Variants in AKAP6 observed in about 807,000 individuals in gnomAD.
AKAP6 encodes the protein A-kinase anchor protein 6.
A neutral mutation model predicts 188.5 loss-of-function variants in AKAP6; 58 were observed. That is an observed-to-expected ratio of 0.31 (90% CI 0.25 to 0.38). AKAP6 has a LOEUF of 0.38. Among genes scored for constraint, AKAP6 ranks in the 10% least tolerant of loss-of-function variants. The pLI is 1.00. For synonymous variants in AKAP6, 989 were observed against 998.6 expected, an observed-to-expected ratio of 0.99 and a Z score of 0.18; for missense variants, 2,710 against 2,740.0, an observed-to-expected ratio of 0.99 and a Z score of 0.24.
intron 2 of AKAP6, among the ~76,000 whole-genome samples, chr14:32,477,614 C>T (rs772167975): frequency 8.5e-5 from 13 of 152,170 alleles, no homozygotes; most frequent in African/African-American, 1.4e-4. Context: ...AATTTCAAGA[C>T]GGTGTTGTAT....
chr14:32,445,262 C>T (rs541442888), intron 2 of AKAP6, among the ~76,000 whole-genome samples: 4 of 152,262 alleles, frequency 2.6e-5, no homozygotes, highest in African/African-American at 9.6e-5. Context: ...TTACCCCAAA[C>T]TTCTCTGCCT....
intron 2 of AKAP6, among the ~76,000 whole-genome samples, chr14:32,446,665 A>AT (rs566425868): frequency 5.9e-5 from 9 of 151,660 alleles, no homozygotes; most frequent in Admixed American, 1.3e-4. Context: ...ACAAGCAACT[A>AT]TTTTTTTTGT....
At position 32,433,516 on chromosome 14, in the gene AKAP6, T is replaced by C. The variant is rs758007934; in HGVS notation, c.23T>C (p.Leu8Pro). The stretch of plus-strand genomic sequence containing the variant: ...TCCATGTTAACCATGAGCGTGACAC[T>C]TTCCCCCCTGAGGTCACAGGACCTG... MLTMSVT[L>P]SPLRSQDLDP... Residue 8 changes from leucine (L) to proline (P), a missense_variant, in exon 2 of 14, where the codon CTT becomes CCT. Physicochemically the swap from Leu to Pro is moderately conservative, Grantham distance 98. Coordinates refer to ENST00000280979, the MANE Select transcript of AKAP6 (RefSeq NM_004274.5). 1.9e-6 allele frequency: 3 copies of C among 1,614,110 alleles called. No homozygotes were observed. Among genetic ancestry groups the C allele is most frequent in the Non-Finnish European group, 1.7e-6 (2 of 1,180,002 alleles).
intron 2 of AKAP6, among the ~76,000 whole-genome samples, chr14:32,507,135 G>T (rs1014594856): frequency 7.2e-5 from 11 of 152,146 alleles, no homozygotes; most frequent in Non-Finnish European, 1.2e-4. Context: ...CATATTGTCT[G>T]TATCTATCCA....
intron 1 of AKAP6, among the ~76,000 whole-genome samples, chr14:32,369,281 A>T (rs1887935186): frequency 6.6e-6 from 1 of 152,206 alleles, no homozygotes; most frequent in African/African-American, 2.4e-5. Flanking sequence ...GACAATTAAT[A>T]CAGTGTGGCA....
At chr14:32,416,023 C>T (rs1889645803) in intron 1 of AKAP6, among the ~76,000 whole-genome samples, 1 of 152,116 alleles carries the variant, frequency 6.6e-6, no homozygotes, top group Non-Finnish European at 1.5e-5. Flanking sequence ...ACAAATATCT[C>T]TTTAAGACCC....
intron 7 of AKAP6, among the ~76,000 whole-genome samples, chr14:32,617,280 G>T (rs1454717243): frequency 1.3e-5 from 2 of 151,260 alleles, no homozygotes; most frequent in African/African-American, 2.4e-5. Context: ...CCCTATCTTT[G>T]CTCATCTCCA....
intron 11 of AKAP6, among the ~76,000 whole-genome samples, chr14:32,749,943 T>C (rs1566685229): frequency 6.6e-6 from 1 of 152,204 alleles, no homozygotes; most frequent in Non-Finnish European, 1.5e-5. Flanking sequence ...CCACATTGTA[T>C]TATTTTAGGC....
intron 2 of AKAP6, among the ~76,000 whole-genome samples, chr14:32,524,070 AAC>A (rs1396360729): frequency 6.6e-6 from 1 of 152,184 alleles, no homozygotes; most frequent in Admixed American, 6.5e-5. Context: ...TGGGTGTGGT[AAC>A]ACGTGCCTAT....
intron 2 of AKAP6, among the ~76,000 whole-genome samples, chr14:32,518,794 TCAC>T (rs1172924851): frequency 6.6e-6 from 1 of 152,144 alleles, no homozygotes; most frequent in Non-Finnish European, 1.5e-5. Flanking sequence ...CAGGAGAACT[TCAC>T]CAACCTAGAA....
At chr14:32,794,969 C>A (rs941782997) in intron 12 of AKAP6, among the ~76,000 whole-genome samples, 1 of 151,956 alleles carries the variant, frequency 6.6e-6, no homozygotes, top group African/African-American at 2.4e-5. Flanking sequence ...TACCACTGAC[C>A]CCACAGAAAT....
intron 5 of AKAP6, among the ~76,000 whole-genome samples, chr14:32,577,784 C>A (rs1206953008): frequency 6.6e-6 from 1 of 151,894 alleles, no homozygotes; most frequent in Non-Finnish European, 1.5e-5. Context: ...TAGAGAAAAC[C>A]ATGGAGGGGA....
At chr14:32,719,476 A>G (rs1202198936) in intron 9 of AKAP6, among the ~76,000 whole-genome samples, 1 of 152,206 alleles carries the variant, frequency 6.6e-6, no homozygotes, top group African/African-American at 2.4e-5. Context: ...ATAAACTACA[A>G]TGGTTACAGT....
At chr14:32,540,162 CTCTCTCTATA>C (rs1248834892) in intron 3 of AKAP6, among the ~76,000 whole-genome samples, 49 of 105,204 alleles carry the variant, frequency 4.7e-4, no homozygotes, top group East Asian at 1.2e-3. Context: ...CTCTCTCTCT[CTCTCTCTATA>C]TATATATATA....
At chr14:32,519,530 A>G (rs900278166) in intron 2 of AKAP6, among the ~76,000 whole-genome samples, 2 of 152,144 alleles carry the variant, frequency 1.3e-5, no homozygotes, top group Non-Finnish European at 2.9e-5. Context: ...ACAAAAAAAA[A>G]GCAGGGGTTG....
rs149458072 is a variant in AKAP6, at chr14:32,822,845, T to C, written c.5032T>C (p.Ser1678Pro). Residue 1678 changes from serine to proline, a missense_variant, in exon 13 of 14, where the codon TCT becomes CCT. Physicochemically the swap from Ser to Pro is moderately conservative, Grantham distance 74. Around this residue, in one of 2 missense-constraint regions of AKAP6, gnomAD observed 2,473 missense variants for 2,426.1 expected, o/e 1.02. Coordinates refer to ENST00000280979, the MANE Select transcript of AKAP6 (RefSeq NM_004274.5). ...TGGCCAGATGTCATTGGACATAGCA[T>C]CTTCTATCAATGAAGACTCAGCGGC... ...FTGQMSLDIA[S>P]SINEDSAASL... is the part of the protein sequence containing the mutation. 1.2e-5 allele frequency: 19 copies of C among 1,613,870 alleles called. No homozygotes were observed. Among genetic ancestry groups the C allele is most frequent in the Admixed American group, 1.0e-4 (6 of 59,944 alleles).
intron 12 of AKAP6, among the ~76,000 whole-genome samples, chr14:32,786,688 C>T (rs1332263447): frequency 6.6e-6 from 1 of 151,944 alleles, no homozygotes; most frequent in Non-Finnish European, 1.5e-5. Flanking sequence ...CTCTCTAACT[C>T]TCATATAAGT....
intron 12 of AKAP6, among the ~76,000 whole-genome samples, chr14:32,793,275 G>T (rs1266355688): frequency 6.6e-6 from 1 of 152,050 alleles, no homozygotes; most frequent in African/African-American, 2.4e-5. Context: ...GTCTTCAAGA[G>T]ACCCATCTCA....
At chr14:32,368,606 G>A (rs1162482737) in intron 1 of AKAP6, among the ~76,000 whole-genome samples, 3 of 152,060 alleles carry the variant, frequency 2.0e-5, no homozygotes, top group East Asian at 1.9e-4. Flanking sequence ...ACCAACATAC[G>A]CAAAGGTCTA....
Sources: gnomAD v4.1 joint callset for allele counts (sites outside exome capture counted in the v4.1 genomes callset) on GRCh38, gnomAD v4.1.1 for gene constraint, gnomAD v4.1.1 regional missense constraint, MANE v1.5 for transcripts, NCBI Gene and HGNC (gene_info 2026-07-23, HGNC 2026-07-21) for gene names.